Variants in TECRL observed in about 807,000 individuals in gnomAD.
The protein encoded by TECRL is trans-2,3-enoyl-CoA reductase like.
TECRL carries 63 observed loss-of-function variants against 52.8 expected under a neutral mutation model. That is an observed-to-expected ratio of 1.19 (90% CI 0.97 to 1.47). The LOEUF is 1.47. Among genes scored for constraint, TECRL ranks in the 40% most tolerant of loss-of-function variants. TECRL has a pLI of 0.00. For missense variants in TECRL, 482 were observed against 429.6 expected (o/e 1.12, Z -1.08); for synonymous variants, 164 against 141.9 (o/e 1.16, Z -1.10).
chr4:64,360,382 T>C (rs1721089694), intron 2 of TECRL, among the ~76,000 whole-genome samples: 1 of 152,230 alleles, frequency 6.6e-6, no homozygotes, highest in South Asian at 2.1e-4. Context: ...TTCATTAATA[T>C]ATTCAAGTTG....
At chr4:64,359,195 A>G (rs1720997830) in intron 2 of TECRL, among the ~76,000 whole-genome samples, 1 of 151,894 alleles carries the variant, frequency 6.6e-6, no homozygotes, top group Non-Finnish European at 1.5e-5. Flanking sequence ...GTTGAAAGAA[A>G]AAGTATGTGT....
rs1430067347 is a variant in TECRL, at chr4:64,314,709, T to C, written c.490A>G (p.Arg164Gly). The C allele has an allele frequency of 1.9e-6, 3 of 1,612,668 alleles. No individual in the cohort carries two copies. The highest frequency in any genetic ancestry group is 1.7e-6 in the Non-Finnish European group (2 of 1,179,370). Residue 164 changes from arginine to glycine, a missense_variant, in exon 5 of 12, where the codon AGG becomes GGG. Physicochemically the swap from Arg to Gly is moderately radical, Grantham distance 125. Transcript: ENST00000381210. ...PLLIYLLFYL[R>G]IPCIYDGKES... ...TTTCCATCATATATACATGGGATCC[T>C]CAAATAAAAGAGGAGGTATATTAGC... is the stretch of plus-strand genomic sequence containing the variant.
At chr4:64,292,918 T>C (rs763111109) in intron 8 of TECRL, among the ~76,000 whole-genome samples, 1 of 152,240 alleles carries the variant, frequency 6.6e-6, no homozygotes, top group South Asian at 2.1e-4. Context: ...TAATGAACTT[T>C]AGGATGATGT....
At chr4:64,283,912 A>C (rs1479190366) in intron 9 of TECRL, among the ~76,000 whole-genome samples, 3 of 151,992 alleles carry the variant, frequency 2.0e-5, no homozygotes, top group Non-Finnish European at 2.9e-5. Context: ...CCCCTTGAAG[A>C]TCTCCCCTAT....
intron 4 of TECRL, among the ~76,000 whole-genome samples, chr4:64,320,069 A>G (rs763853647): frequency 2.6e-5 from 4 of 152,076 alleles, no homozygotes; most frequent in Admixed American, 2.0e-4. Context: ...AGAATTACAC[A>G]TTAACTCATA....
chr4:64,367,571 A>T (rs1365806897), intron 2 of TECRL, among the ~76,000 whole-genome samples: 1 of 152,094 alleles, frequency 6.6e-6, no homozygotes, highest in Non-Finnish European at 1.5e-5. Flanking sequence ...ATGACATTAA[A>T]TATACAGCGA....
intron 8 of TECRL, chr4:64,299,265 T>G (rs956153978): frequency 2.0e-5 from 3 of 151,088 alleles, no homozygotes; most frequent in East Asian, 1.9e-4. Flanking sequence ...TTAAAATGGT[T>G]AGAAATAAGT....
intron 2 of TECRL, among the ~76,000 whole-genome samples, chr4:64,334,030 CAA>C (rs4034910): frequency 1.4e-4 from 4 of 28,034 alleles, no homozygotes; most frequent in South Asian, 3.3e-3. Context: ...GACTCCGTCT[CAA>C]AAAAAAAAAA....
intron 1 of TECRL, among the ~76,000 whole-genome samples, chr4:64,391,263 A>G (rs1723526957): frequency 1.3e-5 from 2 of 151,858 alleles, no homozygotes; most frequent in Non-Finnish European, 3.0e-5. Context: ...ATGTAAAAAT[A>G]GCTTATGTTT....
At chr4:64,327,892 G>C (rs1026239692) in intron 3 of TECRL, among the ~76,000 whole-genome samples, 1 of 151,690 alleles carries the variant, frequency 6.6e-6, no homozygotes, top group African/African-American at 2.4e-5. Context: ...ACTATTAAAG[G>C]CTTTTTCATT....
intron 4 of TECRL, among the ~76,000 whole-genome samples, chr4:64,317,011 G>T (rs896841336): frequency 6.6e-6 from 1 of 152,154 alleles, no homozygotes; most frequent in Non-Finnish European, 1.5e-5. Flanking sequence ...AGGCGCTGTG[G>T]CTCTCGCCTG....
intron 2 of TECRL, among the ~76,000 whole-genome samples, chr4:64,333,882 G>C (rs1007520363): frequency 4.2e-4 from 59 of 139,674 alleles, no homozygotes; most frequent in Admixed American, 4.2e-3. Context: ...AAATTAGCCG[G>C]GCGCGGTGGC....
At chr4:64,277,051 C>T, downstream of TECRL, 4 of 1,494,758 alleles carry the variant, frequency 2.7e-6, no homozygotes, top group Non-Finnish European at 3.6e-6. Context: ...AGTGAGACCA[C>T]CTGGAAATAA....
At chr4:64,352,775 A>T (rs1720486706) in intron 2 of TECRL, among the ~76,000 whole-genome samples, 1 of 152,260 alleles carries the variant, frequency 6.6e-6, no homozygotes, top group South Asian at 2.1e-4. Context: ...ATAAGAAAAT[A>T]TCAGATTCAA....
downstream of TECRL, chr4:64,276,992 C>T (rs1483713): frequency 0.79 from 1,129,342 of 1,430,322 alleles, 447,903 homozygotes; most frequent in Non-Finnish European, 0.81. Flanking sequence ...TTAATATTGA[C>T]AACAAGATGG....
At chr4:64,298,254 T>C (rs982422333) in intron 8 of TECRL, among the ~76,000 whole-genome samples, 4 of 151,310 alleles carry the variant, frequency 2.6e-5, no homozygotes, top group Non-Finnish European at 5.9e-5. Flanking sequence ...ACTTCATCTC[T>C]ATTGGACATA....
intron 6 of TECRL, among the ~76,000 whole-genome samples, chr4:64,306,572 T>G (rs1357739341): frequency 6.6e-6 from 1 of 152,178 alleles, no homozygotes; most frequent in Non-Finnish European, 1.5e-5. Context: ...GAAAATTGAG[T>G]AGCTTGCTTA....
chr4:64,314,708 C>A lies in TECRL; in HGVS notation c.491G>T (p.Arg164Met), dbSNP rs773655742. The A allele has an allele frequency of 6.2e-7, 1 of 1,612,668 alleles. No homozygotes were observed. The highest frequency in any genetic ancestry group is 1.1e-5 in the South Asian group (1 of 91,046). ...TTTTCCATCATATATACATGGGATC[C>A]TCAAATAAAAGAGGAGGTATATTAG... ...PLLIYLLFYL[R>M]IPCIYDGKES... Residue 164 changes from arginine (R) to methionine (M), a missense_variant, in exon 5 of 12, where the codon AGG (arginine) becomes ATG (methionine). Physicochemically the swap from Arg to Met is moderately conservative, Grantham distance 91 (BLOSUM62 -1). Coordinates refer to ENST00000381210, the MANE Select transcript of TECRL (RefSeq NM_001010874.5).
chr4:64,397,641 T>A (rs1363759656), intron 1 of TECRL: 1 of 151,918 alleles, frequency 6.6e-6, no homozygotes, highest in Non-Finnish European at 1.5e-5. Flanking sequence ...ATTCTGGATG[T>A]CTCAGCCTCT....
Sources: allele counts gnomAD v4.1 joint callset (sites outside exome capture counted in the v4.1 genomes callset), GRCh38; gene constraint gnomAD v4.1.1; transcripts MANE v1.5; gene names NCBI Gene and HGNC (gene_info 2026-07-23, HGNC 2026-07-21).